LINGO2: variants seen among roughly 807,000 people sequenced by gnomAD.
LINGO2 encodes the protein leucine-rich repeat and immunoglobulin-like domain-containing nogo receptor-interacting protein 2.
LINGO2 carries 14 observed loss-of-function variants against 30.6 expected under a neutral mutation model. The observed-to-expected ratio is 0.46, with a 90% CI of 0.30 to 0.72. The LOEUF is 0.72. LINGO2 is among the 30% of genes least tolerant of loss of function. The probability of loss-of-function intolerance (pLI) is 0.07; values close to 1 mark genes in which losing one functional copy is unlikely to be tolerated. For missense variants in LINGO2, 729 were observed against 751.7 expected (o/e 0.97, Z 0.35); for synonymous variants, 317 against 288.5 (o/e 1.10, Z -1.00).
chr9:28,851,702 A>G, the LINGO2 span, among the ~76,000 whole-genome samples: 8 of 151,982 alleles, frequency 5.3e-5, no homozygotes, highest in Non-Finnish European at 1.2e-4. Flanking sequence ...TTTATTTAAT[A>G]TAGTCCACAA....
chr9:29,025,677 A>G, the LINGO2 span, among the ~76,000 whole-genome samples: 1 of 152,212 alleles, frequency 6.6e-6, no homozygotes, highest in African/African-American at 2.4e-5. Flanking sequence ...AACACTTTAC[A>G]GTCACGCAGC....
chr9:28,246,544 A>G (rs1410566529), intron 4 of LINGO2, among the ~76,000 whole-genome samples: 2 of 152,196 alleles, frequency 1.3e-5, no homozygotes, highest in African/African-American at 2.4e-5. Context: ...AAAACTGGCT[A>G]GCCGTATGCA....
At chr9:29,196,094 C>A in the LINGO2 span, among the ~76,000 whole-genome samples, 1 of 152,174 alleles carries the variant, frequency 6.6e-6, no homozygotes, top group Non-Finnish European at 1.5e-5. Flanking sequence ...GTAGTTTATT[C>A]TTTTCTTGTT....
intron 5 of LINGO2, among the ~76,000 whole-genome samples, chr9:27,956,229 A>G (rs1378843889): frequency 6.6e-6 from 1 of 152,152 alleles, no homozygotes; most frequent in Non-Finnish European, 1.5e-5. Context: ...GGCGTGAGTC[A>G]CTGCGCCTGG....
At chr9:28,269,630 G>A (rs115855860) in intron 4 of LINGO2, among the ~76,000 whole-genome samples, 3 of 152,004 alleles carry the variant, frequency 2.0e-5, no homozygotes, top group African/African-American at 7.2e-5. Flanking sequence ...TAAACTTCAG[G>A]AATGGCTTTT....
intron 4 of LINGO2, among the ~76,000 whole-genome samples, chr9:28,030,927 C>T (rs1417302055): frequency 6.6e-6 from 1 of 152,174 alleles, no homozygotes; most frequent in Non-Finnish European, 1.5e-5. Flanking sequence ...AATTGCTGAA[C>T]TCCCCAAGGC....
At chr9:28,913,022 A>G in the LINGO2 span, among the ~76,000 whole-genome samples, 2 of 152,104 alleles carry the variant, frequency 1.3e-5, no homozygotes, top group Non-Finnish European at 2.9e-5. Context: ...CGGTGTTGAA[A>G]GTTAGTTAAT....
chr9:28,195,437 GATA>G (rs1283661059), intron 4 of LINGO2, among the ~76,000 whole-genome samples: 6 of 151,120 alleles, frequency 4.0e-5, no homozygotes, highest in African/African-American at 1.5e-4. Flanking sequence ...GATAAGGAAT[GATA>G]ATAAAAAATA....
the LINGO2 span, among the ~76,000 whole-genome samples, chr9:28,825,671 T>A: frequency 6.6e-6 from 1 of 152,018 alleles, no homozygotes; most frequent in Non-Finnish European, 1.5e-5. Context: ...AAAATAGGCC[T>A]ACCTGCTATT....
the LINGO2 span, among the ~76,000 whole-genome samples, chr9:28,760,650 G>A: frequency 1.3e-5 from 2 of 151,208 alleles, no homozygotes; most frequent in African/African-American, 2.4e-5. Context: ...TTTATTGCTC[G>A]CCCCCCTACT....
chr9:28,591,500 T>C (rs1050296407), intron 1 of LINGO2, among the ~76,000 whole-genome samples: 1 of 152,028 alleles, frequency 6.6e-6, no homozygotes, highest in Non-Finnish European at 1.5e-5. Flanking sequence ...CCTCCTGTCT[T>C]CCAGAAAGTT....
chr9:28,182,627 C>A (rs1357334753), intron 4 of LINGO2, among the ~76,000 whole-genome samples: 5 of 151,384 alleles, frequency 3.3e-5, no homozygotes, highest in Non-Finnish European at 7.4e-5. Context: ...AGAAAAAAAC[C>A]CTAACCAAAA....
At chr9:28,052,370 C>T (rs535765047) in intron 4 of LINGO2, among the ~76,000 whole-genome samples, 5 of 152,174 alleles carry the variant, frequency 3.3e-5, no homozygotes, top group South Asian at 4.1e-4. Context: ...TGCTTTAACA[C>T]GAAGCACATT....
chr9:28,005,623 T>C (rs561613629), intron 5 of LINGO2, among the ~76,000 whole-genome samples: 19 of 152,114 alleles, frequency 1.2e-4, no homozygotes, highest in Non-Finnish European at 2.8e-4. Flanking sequence ...CAAAGTCTTG[T>C]GGGGCTGTAG....
At chr9:28,349,956 T>C (rs986646988) in intron 3 of LINGO2, among the ~76,000 whole-genome samples, 1 of 151,690 alleles carries the variant, frequency 6.6e-6, no homozygotes, top group Non-Finnish European at 1.5e-5. Flanking sequence ...TGCTGAGAGA[T>C]TTTGTCACCA....
chr9:28,764,373 T>C, the LINGO2 span, among the ~76,000 whole-genome samples: 7 of 151,968 alleles, frequency 4.6e-5, no homozygotes, highest in Admixed American at 2.6e-4. Context: ...CAATGTGATA[T>C]ACCACATTAT....
the LINGO2 span, among the ~76,000 whole-genome samples, chr9:28,949,947 G>A: frequency 1.3e-5 from 2 of 152,034 alleles, no homozygotes; most frequent in Non-Finnish European, 2.9e-5. Flanking sequence ...CTTCATCCCT[G>A]GGATGCAAGG....
intron 1 of LINGO2, among the ~76,000 whole-genome samples, chr9:28,655,045 G>C (rs1251292159): frequency 6.6e-6 from 1 of 152,028 alleles, no homozygotes; most frequent in Non-Finnish European, 1.5e-5. Flanking sequence ...TGGTGCTTAA[G>C]ATAACTTGGT....
intron 4 of LINGO2, among the ~76,000 whole-genome samples, chr9:28,221,351 C>G (rs1350791231): frequency 6.9e-6 from 1 of 144,456 alleles, no homozygotes; most frequent in African/African-American, 2.6e-5. Context: ...ATTAAGTGTT[C>G]TCACCACAAA....
Sources: gnomAD v4.1 joint callset for allele counts (sites outside exome capture counted in the v4.1 genomes callset) on GRCh38, gnomAD v4.1.1 for gene constraint, MANE v1.5 for transcripts, NCBI Gene and HGNC (gene_info 2026-07-23, HGNC 2026-07-21) for gene names.